The following UBE3D variants were observed in gnomAD, a reference collection of about 807,000 sequenced individuals.
The protein encoded by UBE3D is E3 ubiquitin-protein ligase E3D.
In UBE3D, 48 loss-of-function variants were observed where a neutral mutation model predicts 49.6. That is an observed-to-expected ratio of 0.97 (90% CI 0.77 to 1.23). The LOEUF is 1.23. Ranked by LOEUF, UBE3D falls within the 50% of genes most tolerant of loss-of-function variation. UBE3D has a pLI of 0.00. For synonymous variants in UBE3D, 189 were observed against 174.2 expected (o/e 1.08, Z -0.67); for missense variants, 452 against 468.4 (o/e 0.96, Z 0.32).
In UBE3D at chr6:83,060,059, CAG is replaced by C. The variant is rs377413586; in HGVS notation, c.78-2039_78-2038del. ...CTTCATATAAGGACACTAATCTCAT[CAG>C]GGGGGCCCCGCCCTCAAGAACTCAT... On this transcript the variant is annotated intron_variant, in intron 1 of 9. Coordinates refer to ENST00000369747, the MANE Select transcript of UBE3D (RefSeq NM_198920.3). Among the ~76,000 whole-genome samples the C allele has an allele frequency of 7.0e-3, 1,066 of 152,286 alleles. 11 individuals are homozygous for C. The highest frequency in any genetic ancestry group is 0.025 in the African/African-American group (1,032 of 41,542).
chr6:83,050,286 A>C (rs1237697824), intron 3 of UBE3D, among the ~76,000 whole-genome samples: 1 of 152,156 alleles, frequency 6.6e-6, no homozygotes, highest in Admixed American at 6.5e-5. Context: ...CAGACTATCA[A>C]ATAATCATGA....
intron 9 of UBE3D, among the ~76,000 whole-genome samples, chr6:82,906,294 TG>T (rs148279471): frequency 0.11 from 16,848 of 152,236 alleles, 1,218 homozygotes; most frequent in Admixed American, 0.25. Context: ...TCAGGCTTTT[TG>T]TTCTGCAGAG....
chr6:83,046,669 T>TGGTGGGGGGGGGGGGGGGGGGGG (rs1554211608), intron 3 of UBE3D, among the ~76,000 whole-genome samples: 1 of 9,376 alleles, frequency 1.1e-4, no homozygotes, highest in African/African-American at 2.2e-4. Flanking sequence ...TTCTTGCAGT[T>TGGTGGGGGGGGGGGGGGGGGGGG]GGCGGGGGGG....
chr6:82,887,396 T>TTTGTTTTGTTTTTTG (rs1562053891), downstream of UBE3D, among the ~76,000 whole-genome samples: 2 of 145,784 alleles, frequency 1.4e-5, no homozygotes, highest in African/African-American at 5.2e-5. Context: ...ACAGTTTTTT[T>TTTGTTTTGTTTTTTG]TTTTTTTTTT....
chr6:82,906,691 A>G (rs1013783160), intron 9 of UBE3D, among the ~76,000 whole-genome samples: 3 of 152,174 alleles, frequency 2.0e-5, no homozygotes, highest in African/African-American at 7.2e-5. Context: ...AACCTCATGT[A>G]TACACATAAG....
chr6:83,022,554 A>C lies in UBE3D; in HGVS notation c.745T>G (p.Phe249Val). The C allele has an allele frequency of 6.3e-7, 1 of 1,576,138 alleles. No individual in the cohort carries two copies. The highest frequency in any genetic ancestry group is 1.2e-5 in the South Asian group (1 of 84,224). ...CACTGGGCGATCACGCTCTGGACAA[A>C]CCAAGACCTGTTTGAACAGAAATCA... ...RSFPIIPRSW[F>V]VQSVIAQCLV... The change falls in exon 7 of 10, where the codon TTT (phenylalanine) becomes GTT (valine). Residue 249 changes from phenylalanine to valine, a missense_variant. Phe to Val is a conservative substitution (Grantham distance 50). Coordinates refer to ENST00000369747, the MANE Select transcript of UBE3D (RefSeq NM_198920.3).
chr6:82,950,339 G>A (rs1775699723), intron 9 of UBE3D, among the ~76,000 whole-genome samples: 1 of 152,154 alleles, frequency 6.6e-6, no homozygotes, highest in African/African-American at 2.4e-5. Flanking sequence ...AGTTAAAATG[G>A]CTTTTATCCA....
chr6:82,885,651 GCC>G, the UBE3D span, among the ~76,000 whole-genome samples: 1 of 152,108 alleles, frequency 6.6e-6, no homozygotes, highest in Non-Finnish European at 1.5e-5. Flanking sequence ...AGCTCAAAAA[GCC>G]CTCAAGGGTA....
At chr6:82,883,993 G>A in the UBE3D span, among the ~76,000 whole-genome samples, 1 of 152,288 alleles carries the variant, frequency 6.6e-6, no homozygotes, top group East Asian at 1.9e-4. Flanking sequence ...TTCTGCACTT[G>A]GGTTTGGTTC....
chr6:82,916,196 A>G (rs1409937009), intron 9 of UBE3D, among the ~76,000 whole-genome samples: 1 of 152,100 alleles, frequency 6.6e-6, no homozygotes, highest in Non-Finnish European at 1.5e-5. Flanking sequence ...AAGGGTTGCA[A>G]TTTCACACCA....
rs1780876591 is a variant in UBE3D at position 83,018,885 on chromosome 6, T to C, written c.1010+88A>G. The C allele has an allele frequency of 1.6e-5, 23 of 1,464,728 alleles. 1 individual carries two copies. The South Asian group carries it at 2.8e-4, about 18-fold the overall frequency. The allele number at this position is 1,464,728 out of a possible 1,614,324, so 90.7% of individuals were successfully genotyped here. ...AGCTTCAAGTAGGGAAATGGTATAG[T>C]GGCATTTAATTCATTAATTTCTTAA... On this transcript the variant is annotated intron_variant, in intron 8 of 9. Transcript: ENST00000369747.
chr6:82,920,104 T>C (rs1387316544), intron 9 of UBE3D, among the ~76,000 whole-genome samples: 15 of 152,198 alleles, frequency 9.9e-5, no homozygotes, highest in Admixed American at 9.8e-4. Flanking sequence ...TAGGAAGAAG[T>C]ATCTATTAAC....
intron 9 of UBE3D, among the ~76,000 whole-genome samples, chr6:82,943,156 G>T (rs779122232): frequency 6.6e-6 from 1 of 152,184 alleles, no homozygotes; most frequent in Non-Finnish European, 1.5e-5. Context: ...GACTTACATG[G>T]GGCCTGTAGC....
At chr6:83,052,247 C>A (rs1783517826) in intron 3 of UBE3D, among the ~76,000 whole-genome samples, 1 of 152,232 alleles carries the variant, frequency 6.6e-6, no homozygotes, top group South Asian at 2.1e-4. Context: ...AGGTGCAAAC[C>A]TAGCTGCTCT....
chr6:82,977,645 C>T (rs1036231751), intron 8 of UBE3D, among the ~76,000 whole-genome samples: 4 of 152,146 alleles, frequency 2.6e-5, no homozygotes, highest in Admixed American at 2.6e-4. Context: ...CAAGACCAGC[C>T]TGGCCAACAT....
At chr6:83,031,599 G>A (rs113041932) in intron 5 of UBE3D, among the ~76,000 whole-genome samples, 5 of 152,290 alleles carry the variant, frequency 3.3e-5, no homozygotes, top group South Asian at 2.1e-4. Context: ...TCCATGGGGC[G>A]TTACAGTCAA....
intron 1 of UBE3D, among the ~76,000 whole-genome samples, chr6:83,058,912 C>G (rs1783988945): frequency 6.6e-6 from 1 of 152,128 alleles, no homozygotes; most frequent in South Asian, 2.1e-4. Context: ...AAACCTGAGT[C>G]AAAAGTTCAA....
chr6:82,952,552 G>A (rs538826972), intron 9 of UBE3D, among the ~76,000 whole-genome samples: 1 of 152,160 alleles, frequency 6.6e-6, no homozygotes, highest in South Asian at 2.1e-4. Context: ...AGCCTTCTGA[G>A]TAGCTGGAGC....
the UBE3D span, among the ~76,000 whole-genome samples, chr6:82,884,678 A>G: frequency 2.0e-5 from 3 of 152,210 alleles, no homozygotes; most frequent in South Asian, 6.2e-4. Flanking sequence ...AACATAGTCA[A>G]CAACTTCTTT....
Sources: allele counts gnomAD v4.1 joint callset (sites outside exome capture counted in the v4.1 genomes callset), GRCh38; gene constraint gnomAD v4.1.1; transcripts MANE v1.5; gene names NCBI Gene and HGNC (gene_info 2026-07-23, HGNC 2026-07-21).